Variants in SLC24A4 observed in about 807,000 individuals in gnomAD.
SLC24A4 encodes the protein solute carrier family 24 member 4.
A neutral mutation model predicts 79.0 loss-of-function variants in SLC24A4; 53 were observed. The observed-to-expected ratio is 0.67, with a 90% confidence interval of 0.54 to 0.84. The LOEUF is 0.84. Ranked by LOEUF, SLC24A4 falls within the 40% of genes least tolerant of loss-of-function variation. The pLI, the probability that SLC24A4 is intolerant of heterozygous loss-of-function variation, is 0.00. For missense variants in SLC24A4, 731 were observed against 822.0 expected, an observed-to-expected ratio of 0.89 and a Z score of 1.35; for synonymous variants, 323 against 323.8, an observed-to-expected ratio of 1.00 and a Z score of 0.03.
At chr14:92,324,935 C>G (rs768934312) in intron 1 of SLC24A4, among the ~76,000 whole-genome samples, 48 of 152,246 alleles carry the variant, frequency 3.2e-4, no homozygotes, top group African/African-American at 1.1e-3. Context: ...TTAAAGTTTT[C>G]AAAATAACTG....
At chr14:92,388,539 A>G (rs1262976739) in intron 2 of SLC24A4, among the ~76,000 whole-genome samples, 3 of 152,108 alleles carry the variant, frequency 2.0e-5, no homozygotes, top group African/African-American at 4.8e-5. Context: ...TTAGCTGCCC[A>G]CGGCCTGGTT....
intron 2 of SLC24A4, among the ~76,000 whole-genome samples, chr14:92,427,806 A>G (rs2402138): frequency 0.7 from 106,570 of 152,206 alleles, 37,773 homozygotes; most frequent in East Asian, 0.98. Flanking sequence ...AGCATTACAT[A>G]GAAACCTAAT....
chr14:92,477,835 T>C (rs1595350521), intron 12 of SLC24A4, among the ~76,000 whole-genome samples: 1 of 148,850 alleles, frequency 6.7e-6, no homozygotes, highest in Non-Finnish European at 1.5e-5. Context: ...CAGGCTGGAG[T>C]GCAGTGGTGT....
intron 2 of SLC24A4, among the ~76,000 whole-genome samples, chr14:92,400,216 A>G (rs1425227192): frequency 1.3e-5 from 2 of 152,132 alleles, no homozygotes; most frequent in Non-Finnish European, 2.9e-5. Context: ...CAAGGCGGGC[A>G]GATCACGAGG....
At chr14:92,349,285 G>A (rs1466786152) in intron 2 of SLC24A4, among the ~76,000 whole-genome samples, 1 of 151,862 alleles carries the variant, frequency 6.6e-6, no homozygotes, top group African/African-American at 2.4e-5. Context: ...TCAGCCTCCT[G>A]AGTAGCTGGG....
Position 92,494,263 on chromosome 14 carries a change from ATTC to A in SLC24A4, c.*640_*642del, listed in dbSNP as rs1231797299. ...TGTGGAAGAGAGAAAATGAGTGAAT[ATTC>A]TTCTCACTTTTATTGATGCATTCAG... On this transcript the variant is annotated 3_prime_UTR_variant, in exon 17 of 17. Coordinates refer to ENST00000532405, the MANE Select transcript of SLC24A4 (RefSeq NM_153646.4). This position sits in a 1 kb window ranked among gnomAD's most constrained non-coding sequence, Gnocchi z 4.6. The A allele has an allele frequency of 1.3e-5, 2 of 152,766 alleles. No homozygotes were observed. The highest frequency in any genetic ancestry group is 2.9e-5 in the Non-Finnish European group (2 of 68,126). The allele number at this position is 152,766 out of a possible 1,614,324, so 9.5% of individuals were successfully genotyped here.
intron 12 of SLC24A4, among the ~76,000 whole-genome samples, chr14:92,473,433 A>T (rs1566794146): frequency 1.3e-5 from 2 of 152,210 alleles, no homozygotes; most frequent in East Asian, 1.9e-4. Context: ...AGATTGCATG[A>T]TGAGCTCAGA....
At chr14:92,434,074 A>G in intron 3 of SLC24A4, 86 bp downstream of exon 3, 1 of 1,059,374 alleles carries the variant, frequency 9.4e-7, no homozygotes, top group South Asian at 1.3e-5. Flanking sequence ...CGTGTCTGAG[A>G]TCTTTTATTC....
chr14:92,344,696 A>G (rs1886424918), intron 2 of SLC24A4, among the ~76,000 whole-genome samples: 1 of 152,060 alleles, frequency 6.6e-6, no homozygotes, highest in African/African-American at 2.4e-5. Flanking sequence ...GTGAAAGTGG[A>G]GAGAGGATTT....
chr14:92,328,454 C>G (rs573459976), intron 2 of SLC24A4, among the ~76,000 whole-genome samples: 1 of 152,210 alleles, frequency 6.6e-6, no homozygotes, highest in African/African-American at 2.4e-5. Context: ...TGCGCTGGCC[C>G]GGTGTCCTTC....
At chr14:92,466,532 A>G (rs745834714) in intron 12 of SLC24A4, among the ~76,000 whole-genome samples, 1 of 152,222 alleles carries the variant, frequency 6.6e-6, no homozygotes, top group Non-Finnish European at 1.5e-5. Flanking sequence ...ATAAGTCTAA[A>G]TTTAATGGTA....
At chr14:92,400,488 C>G (rs190827898) in intron 2 of SLC24A4, among the ~76,000 whole-genome samples, 2 of 151,014 alleles carry the variant, frequency 1.3e-5, no homozygotes, top group Non-Finnish European at 2.9e-5. Context: ...TACACACAGC[C>G]GGAGTGCAGT....
chr14:92,403,872 A>G (rs943550831), intron 2 of SLC24A4, among the ~76,000 whole-genome samples: 1 of 133,516 alleles, frequency 7.5e-6, no homozygotes, highest in Non-Finnish European at 1.5e-5. Context: ...CCTACATTAC[A>G]TGTTTTACAT....
chr14:92,482,767 G>A lies in SLC24A4; in HGVS notation c.1343G>A (p.Arg448His), dbSNP rs149298860. ...ACCATTCCCAACTGCAGCAAGCCCCGCTGGGAGAAGTTCTTCATGGTCACC... is the reference window on the plus strand; with the variant it reads ...ACCATTCCCAACTGCAGCAAGCCCCACTGGGAGAAGTTCTTCATGGTCACC... ...CVTIPNCSKP[R>H]WEKFFMVTFI... Residue 448 changes from arginine to histidine, a missense_variant, in exon 13 of 17, where the codon CGC becomes CAC. Transcript: ENST00000532405. 347 of 1,613,914 alleles carry A rather than the reference G, an allele frequency of 2.2e-4. No homozygotes were observed. Among genetic ancestry groups the A allele is most frequent in the Non-Finnish European group, 2.8e-4 (327 of 1,179,988 alleles).
At chr14:92,462,178 T>G (rs369142070) in intron 12 of SLC24A4, 2 of 151,974 alleles carry the variant, frequency 1.3e-5, no homozygotes, top group African/African-American at 4.8e-5. Flanking sequence ...GGGAGCAGAG[T>G]CCCAAAGCAC....
chr14:92,360,727 G>T (rs1055641611), intron 2 of SLC24A4, among the ~76,000 whole-genome samples: 5 of 152,154 alleles, frequency 3.3e-5, no homozygotes, highest in Non-Finnish European at 1.5e-5. Context: ...GCTTAATGAC[G>T]CATTGCACAT....
chr14:92,483,331 A>G (rs757502988), intron 13 of SLC24A4, among the ~76,000 whole-genome samples: 3 of 152,196 alleles, frequency 2.0e-5, no homozygotes, highest in Admixed American at 6.5e-5. Context: ...TCTTATCCTC[A>G]TAACAGCCCC....
intron 16 of SLC24A4, chr14:92,492,999 CACACACACACACACACACAG>C (rs1432217941): frequency 5.1e-4 from 193 of 377,364 alleles, no homozygotes; most frequent in Non-Finnish European, 7.2e-4. Context: ...CACACACACA[CACACACACACACACACACAG>C]AGAAAGATTT....
intron 10 of SLC24A4, chr14:92,451,026 C>T (rs1204080659): frequency 6.6e-6 from 1 of 152,228 alleles, no homozygotes; most frequent in Non-Finnish European, 1.5e-5. Context: ...TCTCCCAAAT[C>T]TCTTTAAGTC....
Sources: gnomAD v4.1 joint callset for allele counts (sites outside exome capture counted in the v4.1 genomes callset) on GRCh38, gnomAD v4.1.1 for gene constraint, Gnocchi (gnomAD v3.1) non-coding constraint, MANE v1.5 for transcripts, NCBI Gene and HGNC (gene_info 2026-07-23, HGNC 2026-07-21) for gene names.